Variants in INTS5 observed in about 807,000 individuals in gnomAD.
INTS5 encodes the protein integrator complex subunit 5, also known as KIAA1698.
In INTS5, 29 loss-of-function variants were observed where a neutral mutation model predicts 60.0. That is an observed-to-expected ratio of 0.48 (90% CI 0.36 to 0.66). The LOEUF is 0.66. Ranked by LOEUF, INTS5 falls within the 30% of genes least tolerant of loss-of-function variation. The pLI, the probability that INTS5 is intolerant of heterozygous loss-of-function variation, is 0.00. For synonymous variants in INTS5, 588 were observed against 558.8 expected (o/e 1.05, Z -0.74); for missense variants, 1,129 against 1,307.9 (o/e 0.86, Z 2.11).
chr11:62,649,596 G>T lies in INTS5; in HGVS notation c.484C>A (p.Gln162Lys). 2 of 1,614,152 alleles carry T rather than the reference G, an allele frequency of 1.2e-6. No homozygotes were observed. Among genetic ancestry groups the T allele is most frequent in the Non-Finnish European group, 1.7e-6 (2 of 1,180,022 alleles). The part of the protein sequence containing the change: ...MGQLSSTYSG[Q>K]HQRVPHATGA... The stretch of plus-strand genomic sequence containing the variant: ...GTAGCGTGGGGAACACGCTGGTGCT[G>T]GCCTGAGTACGTGCTGCTCAGTTGC... The change falls in exon 2 of 2, where the codon CAG (glutamine) becomes AAG (lysine). Residue 162 changes from glutamine (Q) to lysine (K), a missense_variant. By Grantham distance (53) the Gln-to-Lys change is moderately conservative. This residue lies in a region of INTS5 where 1,070 missense variants were observed against 1,246.1 expected (regional missense o/e 0.86). Coordinates refer to ENST00000330574, the MANE Select transcript of INTS5 (RefSeq NM_030628.2). This position sits in a 1 kb window ranked among gnomAD's most constrained non-coding sequence, Gnocchi z 6.0.
Position 62,648,032 on chromosome 11 carries a change from G to A in INTS5, c.2048C>T (p.Ala683Val). 1 of 1,614,212 alleles carries A rather than the reference G, an allele frequency of 6.2e-7. No homozygotes were observed. ...CAGCTGCAGGACAGCCTTGAGCCCA[G>A]CTGGGGATGTCTGAGACAGGCGGGT... ...LLTRLSQTSP[A>V]GLKAVLQLLV... is the part of the protein sequence containing the mutation. The change falls in exon 2 of 2, where the codon GCT becomes GTT. Residue 683 changes from alanine (A) to valine (V), a missense_variant. This residue lies in a region of INTS5 where 1,070 missense variants were observed against 1,246.1 expected (regional missense o/e 0.86). Transcript: ENST00000330574. The surrounding 1 kb of genome is among the most constrained non-coding windows in gnomAD (Gnocchi z 4.4).
Position 62,648,573 on chromosome 11 carries a change from A to G in INTS5, c.1507T>C (p.Leu503=). Residue 503 remains leucine, a synonymous_variant, in exon 2 of 2, where the codon TTG becomes CTG. Transcript: ENST00000330574. The surrounding 1 kb of genome is among the most constrained non-coding windows in gnomAD (Gnocchi z 4.4). The part of the protein sequence containing the change: ...RKRFLWQHQL[L]GLLSVYTRPS... The stretch of plus-strand genomic sequence containing the variant: ...CGGGTATAGACAGACAGCAGGCCCA[A>G]GAGCTGGTGCTGCCAGAGGAAGCGC... 1 of 1,614,136 alleles carries G rather than the reference A, an allele frequency of 6.2e-7. No homozygotes were observed. The highest frequency in any genetic ancestry group is 8.5e-7 in the Non-Finnish European group (1 of 1,180,030).
intron 1 of INTS5, among the ~76,000 whole-genome samples, chr11:62,650,598 A>C (rs1944586051): frequency 6.6e-6 from 1 of 152,018 alleles, no homozygotes; most frequent in Non-Finnish European, 1.5e-5. Context: ...TTTTTAGTAG[A>C]GACAGATTTT....
Position 62,648,191 on chromosome 11 carries a change from G to T in INTS5, c.1889C>A (p.Ala630Asp), listed in dbSNP as rs1247287371. 2 of 1,613,508 alleles carry T rather than the reference G, an allele frequency of 1.2e-6. No individual in the cohort carries two copies. Among genetic ancestry groups the T allele is most frequent in the Non-Finnish European group, 1.7e-6 (2 of 1,179,694 alleles). ...EVAEAAASLL[A>D]ICPFPSEALS... ...GGCTTCAGAAGGAAAGGGACAAATG[G>T]CCAGGAGAGAGGCAGCAGCTTCAGC... is the stretch of plus-strand genomic sequence containing the variant. The change falls in exon 2 of 2, where the codon GCC (alanine) becomes GAC (aspartate). Residue 630 changes from alanine to aspartate, a missense_variant. Ala to Asp is a moderately radical substitution (Grantham distance 126). Coordinates refer to ENST00000330574, the MANE Select transcript of INTS5 (RefSeq NM_030628.2). The surrounding 1 kb of genome is among the most constrained non-coding windows in gnomAD (Gnocchi z 4.4).
At position 62,647,364 on chromosome 11, in the gene INTS5, C is replaced by T; in HGVS notation, c.2716G>A (p.Ala906Thr). Residue 906 changes from alanine to threonine, a missense_variant, in exon 2 of 2, where the codon GCA becomes ACA. Ala to Thr is a moderately conservative substitution (Grantham distance 58, BLOSUM62 0). Transcript: ENST00000330574. The stretch of plus-strand genomic sequence containing the variant: ...ATGACAGCCACTAAGGTGCAGGATG[C>T]CTCCAGGTGCCAGGGGGAGTGGGTC... Reference protein sequence around the residue: ...DTTHSPWHLEASCTLVAVMAE... With the variant: ...DTTHSPWHLETSCTLVAVMAE... 6.2e-7 allele frequency: 1 copy of T among 1,613,526 alleles called. No homozygotes were observed. Among genetic ancestry groups the T allele is most frequent in the Non-Finnish European group, 8.5e-7 (1 of 1,179,870 alleles).
intron 1 of INTS5, among the ~76,000 whole-genome samples, chr11:62,651,941 T>C (rs531089134): frequency 6.6e-6 from 1 of 152,314 alleles, no homozygotes; most frequent in South Asian, 2.1e-4. Flanking sequence ...TGTATCCACT[T>C]CTATTGAAGT....
At chr11:62,653,129 G>T in intron 1 of INTS5, 41 bp downstream of exon 1, 1 of 1,186,952 alleles carries the variant, frequency 8.4e-7, no homozygotes, top group Non-Finnish European at 1.1e-6. Flanking sequence ...GATCGGCGCG[G>T]GGCCGCGCGA....
chr11:62,647,815 G>A lies in INTS5; in HGVS notation c.2265C>T (p.Gly755=), dbSNP rs145882789. The change falls in exon 2 of 2, where the codon GGC becomes GGT. Residue 755 remains glycine (G), a synonymous_variant. Transcript: ENST00000330574. ...IWSVFHAGVI[G]RGLKPPKFVQ... is the part of the protein sequence containing the mutation. ...CAAACTTGGGTGGCTTTAAGCCACGGCCGATGACTCCAGCATGGAAAACTG... is the reference window on the plus strand; with the variant it reads ...CAAACTTGGGTGGCTTTAAGCCACGACCGATGACTCCAGCATGGAAAACTG... The A allele has an allele frequency of 9.7e-5, 157 of 1,614,216 alleles. No homozygotes were observed. The African/African-American group carries it at 1.4e-3, about 15-fold the overall frequency.
Position 62,652,083 on chromosome 11 carries a change from G to A in INTS5, c.80+1087C>T, listed in dbSNP as rs146438016. Among the ~76,000 whole-genome samples, 351 of 151,484 alleles carry A rather than the reference G, an allele frequency of 2.3e-3. 3 individuals carry two copies. Among genetic ancestry groups the A allele is most frequent in the Middle Eastern group, 0.014 (4 of 292 alleles). On this transcript the variant is annotated intron_variant, in intron 1 of 1. Transcript: ENST00000330574. ...GTCTGTAATCCTAGCACTCTGGGAG[G>A]CCAAGGAGGGTGGATCACTTGAGGT...
rs1809147469 is a variant in INTS5 at position 62,647,861 on chromosome 11, G to A, written c.2219C>T (p.Pro740Leu). Residue 740 changes from proline (P) to leucine (L), a missense_variant, in exon 2 of 2, where the codon CCA (proline) becomes CTA (leucine). This residue lies in a region of INTS5 where 1,070 missense variants were observed against 1,246.1 expected (regional missense o/e 0.86). Transcript: ENST00000330574. ...DTNRRHTAAV[P>L]GPGGIWSVFH... ...AACTGACCAAATCCCTCCAGGACCT[G>A]GCACAGCTGCAGTGTGCCTCCGGTT... is the stretch of plus-strand genomic sequence containing the variant. 6.2e-7 allele frequency: 1 copy of A among 1,614,218 alleles called. No homozygotes were observed. The highest frequency in any genetic ancestry group is 8.5e-7 in the Non-Finnish European group (1 of 1,180,032).
In INTS5 at chr11:62,649,885, A is replaced by C. The variant is rs1294660470; in HGVS notation, c.195T>G (p.Ser65=). The change falls in exon 2 of 2, where the codon TCT becomes TCG. Residue 65 remains serine (S), a synonymous_variant. Transcript: ENST00000330574. The surrounding 1 kb of genome is among the most constrained non-coding windows in gnomAD (Gnocchi z 6.0). ...HARCGLLLLR[S]LPPARAAVLD... is the part of the protein sequence containing the mutation. ...GCACAGCAGCCCGAGCAGGTGGCAAAGAACGGAGCAGGAGAAGACCACAGC... is the reference window on the plus strand; with the variant it reads ...GCACAGCAGCCCGAGCAGGTGGCAACGAACGGAGCAGGAGAAGACCACAGC... The C allele has an allele frequency of 6.2e-6, 10 of 1,614,226 alleles. No homozygotes were observed. Among genetic ancestry groups the C allele is most frequent in the Non-Finnish European group, 8.5e-6 (10 of 1,180,040 alleles).
chr11:62,651,926 A>C (rs1944597990), intron 1 of INTS5, among the ~76,000 whole-genome samples: 1 of 152,192 alleles, frequency 6.6e-6, no homozygotes, highest in African/African-American at 2.4e-5. Context: ...TGTGCTCTTC[A>C]ACACTGTATC....
In INTS5 at chr11:62,648,308, C is replaced by A. The variant is rs777341412; in HGVS notation, c.1772G>T (p.Gly591Val). The A allele has an allele frequency of 5.0e-6, 8 of 1,613,870 alleles. No homozygotes were observed. The highest frequency in any genetic ancestry group is 6.8e-6 in the Non-Finnish European group (8 of 1,180,020). The change falls in exon 2 of 2, where the codon GGC (glycine) becomes GTC (valine). Residue 591 changes from glycine to valine, a missense_variant. Coordinates refer to ENST00000330574, the MANE Select transcript of INTS5 (RefSeq NM_030628.2). This position sits in a 1 kb window ranked among gnomAD's most constrained non-coding sequence, Gnocchi z 4.4. ...AAAGTGCGCCCCTAGGGCTGCAGGG[C>A]CCTCGCCACCCTGCTGTTCCCACCC... ...LVGWEQQGGE[G>V]PAALGAHFGE...
intron 1 of INTS5, among the ~76,000 whole-genome samples, chr11:62,650,803 A>C (rs967317326): frequency 3.3e-5 from 5 of 151,348 alleles, no homozygotes; most frequent in African/African-American, 1.2e-4. Flanking sequence ...GAACTCCCAG[A>C]CTCAAAGCAT....
intron 1 of INTS5, among the ~76,000 whole-genome samples, chr11:62,650,946 G>C (rs1944588201): frequency 6.6e-6 from 1 of 152,086 alleles, no homozygotes; most frequent in Admixed American, 6.6e-5. Context: ...CAAGCAGTTT[G>C]CCCACCTTAG....
In INTS5 at chr11:62,647,043, T is replaced by C; in HGVS notation, c.3037A>G (p.Thr1013Ala). Residue 1013 changes from threonine (T) to alanine (A), a missense_variant, in exon 2 of 2, where the codon ACT (threonine) becomes GCT (alanine). Thr to Ala is a moderately conservative substitution (Grantham distance 58). Around this residue, in one of 3 missense-constraint regions of INTS5, gnomAD observed 1,070 missense variants for 1,246.1 expected, o/e 0.86. Coordinates refer to ENST00000330574, the MANE Select transcript of INTS5 (RefSeq NM_030628.2). ...SGRFQAPSPSTLLRQGT is the reference protein window; with the variant it reads ...SGRFQAPSPSALLRQGT ...GGCTACGTCCCCTGTCGAAGGAGAG[T>C]GGACGGTGAAGGTGCCTGGAAACGG... 2 of 1,611,978 alleles carry C rather than the reference T, an allele frequency of 1.2e-6. No individual in the cohort carries two copies. Among genetic ancestry groups the C allele is most frequent in the Non-Finnish European group, 1.7e-6 (2 of 1,178,570 alleles).
rs757426247 is a variant in INTS5 at position 62,648,105 on chromosome 11, G to A, written c.1975C>T (p.Leu659=). ...ACACCTGGGGGTCCATGCAGCCTCA[G>A]AGAGGCAAAGAAGCGGTGCACCCCA... is the stretch of plus-strand genomic sequence containing the variant. The part of the protein sequence containing the change: ...RAGVHRFFAS[L]RLHGPPGVAS... Residue 659 remains leucine, a synonymous_variant, in exon 2 of 2, where the codon CTG becomes TTG. Transcript: ENST00000330574. The surrounding 1 kb of genome is among the most constrained non-coding windows in gnomAD (Gnocchi z 4.4). 4 of 1,613,934 alleles carry A rather than the reference G, an allele frequency of 2.5e-6. No individual in the cohort carries two copies. The highest frequency in any genetic ancestry group is 3.4e-6 in the Non-Finnish European group (4 of 1,179,928).
chr11:62,649,070 G>C lies in INTS5; in HGVS notation c.1010C>G (p.Thr337Arg), dbSNP rs771261030. The change falls in exon 2 of 2, where the codon ACG becomes AGG. Residue 337 changes from threonine to arginine, a missense_variant. By Grantham distance (71) the Thr-to-Arg change is moderately conservative. This residue lies in a region of INTS5 where 1,070 missense variants were observed against 1,246.1 expected (regional missense o/e 0.86). Coordinates refer to ENST00000330574, the MANE Select transcript of INTS5 (RefSeq NM_030628.2). This position sits in a 1 kb window ranked among gnomAD's most constrained non-coding sequence, Gnocchi z 6.0. ...GRSGDPSLQA[T>R]VPFLLQLAVM... ...TGCCAGCTGCAGTAGGAACGGAACC[G>C]TGGCCTGAAGGGAGGGGTCCCCACT... is the stretch of plus-strand genomic sequence containing the variant. The C allele has an allele frequency of 1.2e-6, 2 of 1,610,764 alleles. No individual in the cohort carries two copies. The highest frequency in any genetic ancestry group is 1.7e-6 in the Non-Finnish European group (2 of 1,177,632).
intron 1 of INTS5, among the ~76,000 whole-genome samples, chr11:62,652,057 C>T (rs986870835): frequency 6.6e-6 from 1 of 151,548 alleles, no homozygotes; most frequent in Non-Finnish European, 1.5e-5. Context: ...AGGTGCCTCA[C>T]GTCTGTAATC....
Sources: allele counts gnomAD v4.1 joint callset (sites outside exome capture counted in the v4.1 genomes callset), GRCh38; gene constraint gnomAD v4.1.1; regional missense constraint gnomAD v4.1.1; non-coding constraint Gnocchi (gnomAD v3.1); transcripts MANE v1.5; gene names NCBI Gene and HGNC (gene_info 2026-07-23, HGNC 2026-07-21).